The following AUTS2 variants were observed in gnomAD, a reference collection of about 807,000 sequenced individuals.
The protein encoded by AUTS2 is activator of transcription and developmental regulator AUTS2, also known as autism susceptibility gene 2 protein.
AUTS2 carries 17 observed loss-of-function variants against 112.4 expected under a neutral mutation model. That is an observed-to-expected ratio of 0.15 (90% CI 0.10 to 0.23). AUTS2 has a LOEUF of 0.23. Among genes scored for constraint, AUTS2 ranks in the 10% least tolerant of loss-of-function variants. AUTS2 has a pLI of 1.00. For missense variants in AUTS2, 1,510 were observed against 1,701.6 expected (o/e 0.89, Z 1.98); for synonymous variants, 751 against 702.7 (o/e 1.07, Z -1.09).
chr7:70,133,151 G>A (rs946354758), intron 3 of AUTS2, among the ~76,000 whole-genome samples: 29 of 152,312 alleles, frequency 1.9e-4, no homozygotes, highest in East Asian at 9.7e-4. Flanking sequence ...CCCTGAGCTT[G>A]TGTGAAACGC....
At chr7:70,369,500 G>C (rs535867267) in intron 4 of AUTS2, among the ~76,000 whole-genome samples, 6 of 152,270 alleles carry the variant, frequency 3.9e-5, no homozygotes, top group Admixed American at 3.9e-4. Flanking sequence ...GGTGTCAAAG[G>C]AAGGAAAGGA....
In AUTS2 at chr7:70,343,002, G is replaced by C. The variant is rs111844444; in HGVS notation, c.661-92750G>C. 3.3e-5 allele frequency among the ~76,000 whole-genome samples: 5 copies of C among 152,260 alleles called. 1 individual carries two copies. The highest frequency in any genetic ancestry group is 1.3e-4 in the Admixed American group (2 of 15,290). Reference sequence around the variant, plus strand: ...AGGTGGCCAGAATCAGTAAATTTAAGCTCATTTGTGGAAGCTTCCAAATCT... The same window carrying C: ...AGGTGGCCAGAATCAGTAAATTTAACCTCATTTGTGGAAGCTTCCAAATCT... On this transcript the variant is annotated intron_variant, in intron 4 of 18. Coordinates refer to ENST00000342771, the MANE Select transcript of AUTS2 (RefSeq NM_015570.4).
In AUTS2 at chr7:70,787,189, T is replaced by A. The variant is rs749439430; in HGVS notation, c.2309-20T>A. On this transcript the variant is annotated intron_variant, in intron 17 of 18. Coordinates refer to ENST00000342771, the MANE Select transcript of AUTS2 (RefSeq NM_015570.4). ...TATAATTTCTCTTAAACCTTTTTGT[T>A]CTCCACTTCACCATTTCAGCACCCA... The A allele has an allele frequency of 6.2e-7, 1 of 1,612,808 alleles. No individual in the cohort carries two copies. The highest frequency in any genetic ancestry group is 8.5e-7 in the Non-Finnish European group (1 of 1,179,070).
At chr7:70,303,568 A>G (rs752318360) in intron 4 of AUTS2, among the ~76,000 whole-genome samples, 29 of 152,260 alleles carry the variant, frequency 1.9e-4, no homozygotes, top group Non-Finnish European at 2.8e-4. Flanking sequence ...GCTTGCTAGC[A>G]CAGTAATCAG....
intron 1 of AUTS2, among the ~76,000 whole-genome samples, chr7:69,651,939 T>C (rs561677737): frequency 6.6e-6 from 1 of 152,222 alleles, no homozygotes; most frequent in Admixed American, 6.5e-5. Flanking sequence ...GTGATTTGAG[T>C]GTAAGTTTTT....
At chr7:70,776,191 A>G (rs925442760) in intron 13 of AUTS2, among the ~76,000 whole-genome samples, 2 of 152,196 alleles carry the variant, frequency 1.3e-5, no homozygotes, top group Non-Finnish European at 2.9e-5. Context: ...TACTGTAGAA[A>G]CCAGAAGCTT....
At chr7:70,549,043 C>T (rs931937237) in intron 5 of AUTS2, among the ~76,000 whole-genome samples, 1 of 151,842 alleles carries the variant, frequency 6.6e-6, no homozygotes, top group African/African-American at 2.4e-5. Context: ...CCCTTGAAGA[C>T]AGAATATCTC....
chr7:69,922,748 G>A (rs1312133217), intron 2 of AUTS2, among the ~76,000 whole-genome samples: 35 of 152,150 alleles, frequency 2.3e-4, no homozygotes, highest in Non-Finnish European at 1.6e-4. Context: ...ATTAGCATAT[G>A]GCCTGGGTAA....
intron 4 of AUTS2, among the ~76,000 whole-genome samples, chr7:70,308,480 A>C (rs1255117617): frequency 1.3e-5 from 2 of 152,206 alleles, no homozygotes; most frequent in Non-Finnish European, 2.9e-5. Flanking sequence ...GTTTATTTTA[A>C]AATTAAAGCT....
At chr7:69,688,666 C>T (rs1036298601) in intron 1 of AUTS2, among the ~76,000 whole-genome samples, 6 of 152,050 alleles carry the variant, frequency 3.9e-5, no homozygotes, top group African/African-American at 1.2e-4. Flanking sequence ...TTTGACAATA[C>T]GTAATATATT....
At chr7:69,613,023 T>C (rs1476957151) in intron 1 of AUTS2, among the ~76,000 whole-genome samples, 1 of 152,180 alleles carries the variant, frequency 6.6e-6, no homozygotes, top group Non-Finnish European at 1.5e-5. Context: ...CGTTATCCCA[T>C]TGACGCACCC....
chr7:70,107,358 T>TC (rs1491242331), intron 2 of AUTS2, among the ~76,000 whole-genome samples: 21 of 126,934 alleles, frequency 1.7e-4, no homozygotes, highest in Non-Finnish European at 2.1e-4. Flanking sequence ...TTTTTTTTTT[T>TC]CTTTGAGACT....
In AUTS2 at chr7:70,462,755, G is replaced by A. The variant is rs547454651; in HGVS notation, c.690+26974G>A. Among the ~76,000 whole-genome samples the A allele has an allele frequency of 7.2e-5, 11 of 152,120 alleles. 1 individual carries two copies. The highest frequency in any genetic ancestry group is 6.6e-4 in the Admixed American group (10 of 15,266). On this transcript the variant is annotated intron_variant, in intron 5 of 18. Coordinates refer to ENST00000342771, the MANE Select transcript of AUTS2 (RefSeq NM_015570.4). The stretch of plus-strand genomic sequence containing the variant: ...GTGGATCATCTGAGGTCAGGAGTTC[G>A]AGACTAGGCAGAACAATATGGTGAA...
intron 5 of AUTS2, among the ~76,000 whole-genome samples, chr7:70,591,998 A>G (rs1802970330): frequency 6.6e-6 from 1 of 152,186 alleles, no homozygotes; most frequent in Non-Finnish European, 1.5e-5. Context: ...ATAACAAAAA[A>G]TGTTGCTGGT....
intron 5 of AUTS2, among the ~76,000 whole-genome samples, chr7:70,509,379 G>C (rs1374043607): frequency 1.3e-5 from 2 of 152,142 alleles, no homozygotes; most frequent in African/African-American, 4.8e-5. Context: ...TGACTTGGGA[G>C]GAAGGTTGGG....
rs2129560004 is a variant in AUTS2 at position 70,781,865 on chromosome 7, T to TA, written c.2146+110dup. On this transcript the variant is annotated intron_variant, in intron 15 of 18. Coordinates refer to ENST00000342771, the MANE Select transcript of AUTS2 (RefSeq NM_015570.4). ...GCCGCTCAGTCACCACCTACAAAAATACAGTTAATGCCAGCTTGCAAGGCA... is the reference window on the plus strand; with the variant it reads ...GCCGCTCAGTCACCACCTACAAAAATAACAGTTAATGCCAGCTTGCAAGGCA... 4 of 1,419,244 alleles carry TA rather than the reference T, an allele frequency of 2.8e-6. No individual in the cohort carries two copies. The East Asian group carries it at 9.4e-5, about 33-fold the overall frequency. 87.9% of individuals were successfully genotyped at this position (1,419,244 alleles called of 1,614,324 possible). A position where few individuals can be genotyped will look rare whatever the true frequency, so the allele number is the denominator to read the frequency against.
At chr7:70,653,558 G>A (rs1316665472) in intron 5 of AUTS2, among the ~76,000 whole-genome samples, 1 of 152,124 alleles carries the variant, frequency 6.6e-6, no homozygotes, top group African/African-American at 2.4e-5. Context: ...CTTTCCTCAA[G>A]AGGCCATTAT....
chr7:69,760,185 A>G (rs1470323115), intron 1 of AUTS2, among the ~76,000 whole-genome samples: 1 of 148,386 alleles, frequency 6.7e-6, no homozygotes, highest in Non-Finnish European at 1.5e-5. Flanking sequence ...AAAAAAAAAA[A>G]GTTCTTTTTT....
intron 1 of AUTS2, among the ~76,000 whole-genome samples, chr7:69,733,254 T>G (rs1786878631): frequency 6.6e-6 from 1 of 152,130 alleles, no homozygotes; most frequent in Non-Finnish European, 1.5e-5. Flanking sequence ...GTTTAGTCAG[T>G]GGGGGGCAAA....
Sources: allele counts gnomAD v4.1 joint callset (sites outside exome capture counted in the v4.1 genomes callset), GRCh38; gene constraint gnomAD v4.1.1; transcripts MANE v1.5; gene names NCBI Gene and HGNC (gene_info 2026-07-23, HGNC 2026-07-21).